The following AGBL1 variants were observed in gnomAD, a reference collection of about 807,000 sequenced individuals.
AGBL1 encodes cytosolic carboxypeptidase 4.
In AGBL1, 130 loss-of-function variants were observed where a neutral mutation model predicts 118.9. That is an observed-to-expected ratio of 1.09 (90% CI 0.95 to 1.26). AGBL1 has a LOEUF of 1.26. Among genes scored for constraint, AGBL1 ranks in the 50% most tolerant of loss-of-function variants. The probability of loss-of-function intolerance (pLI) is 0.00; values close to 1 mark genes in which losing one functional copy is unlikely to be tolerated. For synonymous variants in AGBL1, 555 were observed against 478.9 expected (o/e 1.16, Z -2.08); for missense variants, 1,584 against 1,298.1 (o/e 1.22, Z -3.38).
chr15:86,954,413 G>A (rs927251011), intron 23 of AGBL1, among the ~76,000 whole-genome samples: 2 of 152,182 alleles, frequency 1.3e-5, no homozygotes, highest in African/African-American at 2.4e-5. Context: ...GTGTCCATCA[G>A]TGATTGACTG....
Position 86,821,218 on chromosome 15 carries a change from C to G in AGBL1, c.3159-85869C>G, listed in dbSNP as rs575516368. Among the ~76,000 whole-genome samples the G allele has an allele frequency of 1.4e-3, 210 of 152,082 alleles. 1 individual carries two copies. Among genetic ancestry groups the G allele is most frequent in the African/African-American group, 4.8e-3 (199 of 41,492 alleles). On this transcript the variant is annotated intron_variant, in intron 22 of 22. Transcript: ENST00000614907. ...GGAGGGGATAGCATTAGGAGAAATA[C>G]CTAATATAGATGACGGGTTGATGAG...
chr15:86,328,398 G>C (rs967342647), intron 17 of AGBL1, among the ~76,000 whole-genome samples: 3 of 152,026 alleles, frequency 2.0e-5, no homozygotes, highest in Non-Finnish European at 4.4e-5. Flanking sequence ...AACTATTTTT[G>C]CAACTTTTTA....
chr15:86,934,547 T>C (rs1384724742), intron 23 of AGBL1, among the ~76,000 whole-genome samples: 1 of 147,790 alleles, frequency 6.8e-6, no homozygotes, highest in African/African-American at 2.5e-5. Context: ...AAAAAAAAAG[T>C]AAATAGCAGA....
chr15:86,964,840 T>G (rs1326944513), intron 23 of AGBL1, among the ~76,000 whole-genome samples: 1 of 152,018 alleles, frequency 6.6e-6, no homozygotes, highest in African/African-American at 2.4e-5. Context: ...GTCCATGTGT[T>G]CTCATTGTTC....
intron 22 of AGBL1, among the ~76,000 whole-genome samples, chr15:86,767,957 G>A (rs960365348): frequency 4.6e-5 from 7 of 151,906 alleles, no homozygotes; most frequent in African/African-American, 1.4e-4. Context: ...CATGAAAACC[G>A]TGAGTTGAGT....
At chr15:86,795,963 C>T (rs2078564783) in intron 22 of AGBL1, among the ~76,000 whole-genome samples, 1 of 151,894 alleles carries the variant, frequency 6.6e-6, no homozygotes, top group Admixed American at 6.6e-5. Context: ...CATGGCACCT[C>T]AGTTTCACTG....
chr15:86,726,539 C>T (rs1374836884), intron 22 of AGBL1, among the ~76,000 whole-genome samples: 1 of 152,134 alleles, frequency 6.6e-6, no homozygotes, highest in African/African-American at 2.4e-5. Context: ...CAATACGCGG[C>T]TCTTAAAGTT....
intron 22 of AGBL1, among the ~76,000 whole-genome samples, chr15:86,731,915 T>A (rs2077532338): frequency 6.6e-6 from 1 of 152,220 alleles, no homozygotes; most frequent in South Asian, 2.1e-4. Context: ...CTCAGTTCTT[T>A]AAGGACCATC....
At chr15:86,364,330 A>T (rs2080847596) in intron 17 of AGBL1, among the ~76,000 whole-genome samples, 1 of 152,192 alleles carries the variant, frequency 6.6e-6, no homozygotes. Flanking sequence ...TTAATAACCC[A>T]ATGAAGTAGG....
chr15:86,340,689 G>A (rs1180925686), intron 17 of AGBL1, among the ~76,000 whole-genome samples: 1 of 152,172 alleles, frequency 6.6e-6, no homozygotes, highest in Non-Finnish European at 1.5e-5. Flanking sequence ...GTGGTAATTT[G>A]TTATGGTAGT....
intron 9 of AGBL1, among the ~76,000 whole-genome samples, chr15:86,258,558 G>T (rs2078934049): frequency 6.6e-6 from 1 of 152,310 alleles, no homozygotes; most frequent in Non-Finnish European, 1.5e-5. Context: ...TTCTATAGAA[G>T]AGAGGTTGGT....
At chr15:87,026,908 T>C (rs1173985472) in intron 24 of AGBL1, among the ~76,000 whole-genome samples, 2 of 152,026 alleles carry the variant, frequency 1.3e-5, no homozygotes, top group Non-Finnish European at 2.9e-5. Flanking sequence ...ACATTGTATG[T>C]TCACATTCAT....
At chr15:86,958,224 AG>A (rs762406951) in intron 23 of AGBL1, among the ~76,000 whole-genome samples, 2 of 149,728 alleles carry the variant, frequency 1.3e-5, no homozygotes, top group African/African-American at 4.9e-5. Flanking sequence ...AAAAAAAAAA[AG>A]AAAAGAAAAT....
chr15:86,243,984 C>T (rs560153062), intron 6 of AGBL1, among the ~76,000 whole-genome samples: 1 of 151,848 alleles, frequency 6.6e-6, no homozygotes, highest in Non-Finnish European at 1.5e-5. Context: ...CATGCCACTG[C>T]ACTCCAGCCT....
At chr15:86,246,342 C>T (rs536792797) in intron 6 of AGBL1, among the ~76,000 whole-genome samples, 7 of 152,146 alleles carry the variant, frequency 4.6e-5, no homozygotes, top group African/African-American at 1.4e-4. Flanking sequence ...GGAGAATAAG[C>T]GGAGTTGCTG....
intron 21 of AGBL1, among the ~76,000 whole-genome samples, chr15:86,611,931 G>A (rs1158634685): frequency 6.6e-6 from 1 of 152,118 alleles, no homozygotes; most frequent in Non-Finnish European, 1.5e-5. Flanking sequence ...TTAAAATGGG[G>A]GCAGGCTGTG....
intron 17 of AGBL1, among the ~76,000 whole-genome samples, chr15:86,323,166 T>TC (rs2080131624): frequency 6.6e-6 from 1 of 151,954 alleles, no homozygotes; most frequent in African/African-American, 2.4e-5. Context: ...TAGTGATTTT[T>TC]TTTTTTTGTA....
At chr15:86,576,890 C>T (rs1463489643) in intron 21 of AGBL1, among the ~76,000 whole-genome samples, 1 of 152,162 alleles carries the variant, frequency 6.6e-6, no homozygotes, top group Non-Finnish European at 1.5e-5. Flanking sequence ...TGTAAAGCCT[C>T]CTCAGCCATG....
chr15:86,823,384 C>T (rs2078967409), intron 22 of AGBL1, among the ~76,000 whole-genome samples: 1 of 152,152 alleles, frequency 6.6e-6, no homozygotes, highest in Non-Finnish European at 1.5e-5. Flanking sequence ...TCAATTTCTG[C>T]AGGACAACAG....
Sources: gnomAD v4.1 joint callset for allele counts (sites outside exome capture counted in the v4.1 genomes callset) on GRCh38, gnomAD v4.1.1 for gene constraint, MANE v1.5 for transcripts, NCBI Gene and HGNC (gene_info 2026-07-23, HGNC 2026-07-21) for gene names.